EML5: variants seen among roughly 807,000 people sequenced by gnomAD.
EML5 encodes EMAP like 5, also known as echinoderm microtubule-associated protein-like 5.
EML5 carries 120 observed loss-of-function variants against 250.0 expected under a neutral mutation model. The ratio of observed to expected loss-of-function variants is 0.48; its 90% CI spans 0.41 to 0.56. The LOEUF is 0.56. Ranked by LOEUF, EML5 falls within the 20% of genes least tolerant of loss-of-function variation. The pLI is 0.00. For missense variants in EML5, 2,006 were observed against 2,437.6 expected (o/e 0.82, Z 3.73); for synonymous variants, 771 against 806.5 (o/e 0.96, Z 0.75).
At chr14:88,730,816 T>TG (rs1301528839) in intron 7 of EML5, among the ~76,000 whole-genome samples, 2 of 152,110 alleles carry the variant, frequency 1.3e-5, no homozygotes, top group Non-Finnish European at 2.9e-5. Flanking sequence ...TAACTGATGG[T>TG]GGGAAAAAAG....
At chr14:88,707,274 A>AT in intron 10 of EML5, among the ~76,000 whole-genome samples, 1 of 136,334 alleles carries the variant, frequency 7.3e-6, no homozygotes, top group South Asian at 2.2e-4. Flanking sequence ...GATATATTTT[A>AT]TTTATTTATT....
chr14:88,755,285 CAAATTGGT>C (rs1437654953), intron 1 of EML5, among the ~76,000 whole-genome samples: 1 of 152,188 alleles, frequency 6.6e-6, no homozygotes, highest in Non-Finnish European at 1.5e-5. Flanking sequence ...ATCACAGCAA[CAAATTGGT>C]AGCCTTTTCC....
In EML5 at chr14:88,649,907, C is replaced by T; in HGVS notation, c.4019+5G>A. On this transcript the variant is annotated splice_donor_5th_base_variant and intron_variant, in intron 28 of 43. Coordinates refer to ENST00000554922, the MANE Select transcript of EML5 (RefSeq NM_183387.3). The stretch of plus-strand genomic sequence containing the variant: ...ATAAAATATTTTCTTTTATAAAACA[C>T]TTACCTTACTACTCCCTGCCTTCAA... 6.7e-7 allele frequency: 1 copy of T among 1,491,354 alleles called. No homozygotes were observed. Among genetic ancestry groups the T allele is most frequent in the Non-Finnish European group, 8.9e-7 (1 of 1,121,418 alleles). 92.4% of individuals were successfully genotyped at this position (1,491,354 alleles called of 1,614,324 possible).
chr14:88,769,722 A>T lies in EML5; in HGVS notation c.198-15051T>A, dbSNP rs376621356. Among the ~76,000 whole-genome samples, 16 of 152,342 alleles carry T rather than the reference A, an allele frequency of 1.1e-4. 1 individual carries two copies. In the East Asian group the frequency reaches 2.9e-3, roughly 28 times the overall value. ...CATGCATACATTCTATAGTCTGTAT[A>T]CATAGATACATTCTGTATCTAAGTA... On this transcript the variant is annotated intron_variant, in intron 1 of 43. Transcript: ENST00000554922.
At chr14:88,726,805 A>G in intron 7 of EML5, 127 bp from the exon 8 acceptor site, 2 of 666,008 alleles carry the variant, frequency 3.0e-6, no homozygotes, top group Non-Finnish European at 4.7e-6. Context: ...TTGTGTGGCA[A>G]GAAATTCTTA....
chr14:88,779,740 G>T (rs530457296), intron 1 of EML5, among the ~76,000 whole-genome samples: 1 of 152,262 alleles, frequency 6.6e-6, no homozygotes, highest in African/African-American at 2.4e-5. Context: ...CTTGAGGAAT[G>T]AATTTTAAGA....
chr14:88,672,365 A>C (rs1381814334), intron 21 of EML5, among the ~76,000 whole-genome samples: 1 of 152,204 alleles, frequency 6.6e-6, no homozygotes, highest in Non-Finnish European at 1.5e-5. Flanking sequence ...CATGGAGACA[A>C]GATACCAGAA....
At chr14:88,704,727 T>A (rs908154924) in intron 13 of EML5, 133 bp downstream of exon 13, 4 of 592,844 alleles carry the variant, frequency 6.7e-6, no homozygotes, top group African/African-American at 1.9e-5. Context: ...TGATGTGTTT[T>A]CCCCATGGGC....
At position 88,684,225 on chromosome 14, in the gene EML5, G is replaced by T. The variant is rs115197855; in HGVS notation, c.2982+790C>A. Reference sequence around the variant, plus strand: ...TATTTATAACAGCATCAAAAATAATGGAAGTTAAAAACTCGGCTCACTGCA... The same window carrying T: ...TATTTATAACAGCATCAAAAATAATTGAAGTTAAAAACTCGGCTCACTGCA... On this transcript the variant is annotated intron_variant, in intron 20 of 43. Transcript: ENST00000554922. Among the ~76,000 whole-genome samples, 190 of 66,716 alleles carry T rather than the reference G, an allele frequency of 2.8e-3. 8 individuals carry two copies. Among genetic ancestry groups the T allele is most frequent in the African/African-American group, 0.012 (175 of 14,302 alleles). 43.8% of individuals were successfully genotyped at this position (66,716 alleles called of 152,430 possible). A position where few individuals can be genotyped will look rare whatever the true frequency, so the allele number is the denominator to read the frequency against.
intron 21 of EML5, among the ~76,000 whole-genome samples, chr14:88,676,897 T>C (rs191098624): frequency 1.2e-3 from 181 of 152,244 alleles, no homozygotes; most frequent in Middle Eastern, 3.4e-3. Context: ...GGATTTCCTA[T>C]TTATTTGTTT....
chr14:88,653,507 G>T (rs528655333), intron 27 of EML5, among the ~76,000 whole-genome samples: 1 of 152,240 alleles, frequency 6.6e-6, no homozygotes, highest in African/African-American at 2.4e-5. Flanking sequence ...TAGCATGAAG[G>T]GGTGCTGAAT....
chr14:88,695,617 A>C (rs1490830467), intron 15 of EML5, among the ~76,000 whole-genome samples, 163 bp from the exon 16 acceptor site: 2 of 152,116 alleles, frequency 1.3e-5, no homozygotes, highest in Non-Finnish European at 2.9e-5. Flanking sequence ...TTTATAAGGG[A>C]GGGAGAATAA....
intron 23 of EML5, among the ~76,000 whole-genome samples, chr14:88,663,906 CACA>C (rs1262461195): frequency 3.9e-5 from 6 of 152,012 alleles, no homozygotes; most frequent in African/African-American, 9.7e-5. Flanking sequence ...AATTTTTTTG[CACA>C]ATATTTAAAT....
chr14:88,633,353 C>T (rs1353867042), intron 33 of EML5, among the ~76,000 whole-genome samples: 3 of 151,928 alleles, frequency 2.0e-5, no homozygotes, highest in Non-Finnish European at 2.9e-5. Flanking sequence ...CTCCTGGCCT[C>T]GGAACTCCTG....
intron 14 of EML5, among the ~76,000 whole-genome samples, chr14:88,698,193 T>C (rs1566654512): frequency 6.6e-6 from 1 of 151,944 alleles, no homozygotes; most frequent in Non-Finnish European, 1.5e-5. Context: ...TTTCTTTTTA[T>C]ATAAAAACTT....
intron 14 of EML5, among the ~76,000 whole-genome samples, chr14:88,697,178 C>G (rs1283711109): frequency 3.3e-5 from 5 of 152,054 alleles, no homozygotes; most frequent in Admixed American, 1.3e-4. Flanking sequence ...GTAACTAACA[C>G]TATGTGACTT....
In EML5 at chr14:88,744,130, C is replaced by T. The variant is rs768457274; in HGVS notation, c.457-39G>A. The T allele has an allele frequency of 2.8e-6, 4 of 1,417,792 alleles. 1 individual carries two copies. The South Asian group carries it at 5.6e-5, about 20-fold the overall frequency. 87.8% of individuals were successfully genotyped at this position (1,417,792 alleles called of 1,614,324 possible). A position where few individuals can be genotyped will look rare whatever the true frequency, so the allele number is the denominator to read the frequency against. On this transcript the variant is annotated intron_variant, in intron 3 of 43. Transcript: ENST00000554922. ...AGATTCATGATTAAAATACTTATTT[C>T]CAGAATCATTTAAAAATCCTGTCCA...
chr14:88,744,679 C>T (rs545416866), intron 3 of EML5, among the ~76,000 whole-genome samples: 1 of 151,858 alleles, frequency 6.6e-6, no homozygotes, highest in African/African-American at 2.4e-5. Flanking sequence ...CAAGCAAAAA[C>T]CCAGGTGAAA....
intron 33 of EML5, among the ~76,000 whole-genome samples, chr14:88,631,056 A>C (rs529565743): frequency 4.6e-4 from 70 of 152,324 alleles, no homozygotes; most frequent in Non-Finnish European, 8.2e-4. Context: ...GTCACTACAA[A>C]TACTACCAGA....
Sources: gnomAD v4.1 joint callset for allele counts (sites outside exome capture counted in the v4.1 genomes callset) on GRCh38, gnomAD v4.1.1 for gene constraint, MANE v1.5 for transcripts, NCBI Gene and HGNC (gene_info 2026-07-23, HGNC 2026-07-21) for gene names.